Variants in HNMT observed in about 807,000 individuals in gnomAD.
HNMT encodes the protein histamine N-methyltransferase.
HNMT carries 30 observed loss-of-function variants against 32.1 expected under a neutral mutation model. That is an observed-to-expected ratio of 0.93 (90% confidence interval 0.70 to 1.27). HNMT has a LOEUF of 1.27. Ranked by LOEUF, HNMT falls within the 50% of genes most tolerant of loss-of-function variation. The pLI, the probability that HNMT is intolerant of heterozygous loss-of-function variation, is 0.00. For synonymous variants in HNMT, 125 were observed against 119.0 expected (o/e 1.05, Z -0.33); for missense variants, 327 against 346.0 (o/e 0.95, Z 0.43).
At chr2:137,987,601 C>CTTT (rs5834598) in intron 2 of HNMT, among the ~76,000 whole-genome samples, 13 of 70,280 alleles carry the variant, frequency 1.8e-4, no homozygotes, top group East Asian at 1.6e-3. Context: ...ACAATGGCCA[C>CTTT]TTTTTTTTTT....
chr2:138,014,013 AC>A lies in HNMT; in HGVS notation c.764del (p.Pro255HisfsTer31), dbSNP rs755442169. 6.2e-7 allele frequency: 1 copy of A among 1,613,806 alleles called. No individual in the cohort carries two copies. The highest frequency in any genetic ancestry group is 1.1e-5 in the South Asian group (1 of 91,072). On this transcript the variant is annotated frameshift_variant, in exon 6 of 6. Coordinates refer to ENST00000280097, the MANE Select transcript of HNMT (RefSeq NM_006895.3). LOFTEE classifies it high-confidence loss of function. ...TETCNFNATA[P>X]PDLRAELGKD... ...AAACCTGCAACTTTAATGCCACAGC[AC>A]CACCTGATCTCAGAGCAGAGCTTGG... is the stretch of plus-strand genomic sequence containing the variant.
chr2:137,989,177 A>G (rs1255038851), intron 2 of HNMT, among the ~76,000 whole-genome samples: 1 of 152,190 alleles, frequency 6.6e-6, no homozygotes, highest in East Asian at 1.9e-4. Context: ...ATCCACCATT[A>G]CAGTATTATA....
chr2:138,010,937 C>G (rs1681484299), intron 5 of HNMT, among the ~76,000 whole-genome samples: 1 of 151,962 alleles, frequency 6.6e-6, no homozygotes, highest in African/African-American at 2.4e-5. Context: ...AAGGAGATCA[C>G]TGAAGCTTTC....
intron 1 of HNMT, chr2:137,967,292 A>T (rs1679988284): frequency 7.1e-6 from 4 of 563,246 alleles, no homozygotes; most frequent in Non-Finnish European, 9.5e-6. Flanking sequence ...TGCACATGCT[A>T]CTCCAGACGC....
intron 1 of HNMT, among the ~76,000 whole-genome samples, chr2:137,967,806 T>C (rs1451324676): frequency 6.6e-6 from 1 of 152,260 alleles, no homozygotes; most frequent in Non-Finnish European, 1.5e-5. Context: ...AAGAATGTTT[T>C]CTATAGCATT....
At chr2:137,994,886 G>A (rs999697211) in intron 2 of HNMT, among the ~76,000 whole-genome samples, 1 of 152,130 alleles carries the variant, frequency 6.6e-6, no homozygotes, top group African/African-American at 2.4e-5. Context: ...ATAATTACAT[G>A]GAAATTGAAC....
At chr2:138,010,562 A>G (rs1053662352) in intron 5 of HNMT, among the ~76,000 whole-genome samples, 1 of 152,044 alleles carries the variant, frequency 6.6e-6, no homozygotes, top group African/African-American at 2.4e-5. Flanking sequence ...AAAGAAAAAG[A>G]AATTGAAATC....
rs933635712 is a variant in HNMT at position 138,016,097 on chromosome 2, G to C, written c.*1967G>C. 1 of 152,012 alleles carries C rather than the reference G, an allele frequency of 6.6e-6. No homozygotes were observed. Among genetic ancestry groups the C allele is most frequent in the Non-Finnish European group, 1.5e-5 (1 of 67,982 alleles). 9.4% of individuals were successfully genotyped at this position (152,012 alleles called of 1,614,324 possible). ...ACTGTATGATAATACCAAAATTTGG[G>C]ACAGTCACATACTAACTTTTCAGAT... On this transcript the variant is annotated 3_prime_UTR_variant, in exon 6 of 6. Transcript: ENST00000280097.
chr2:137,970,933 A>AAAAAAGAAAGAAAGAAAGAAAGAAAG (rs1424481237), intron 2 of HNMT, among the ~76,000 whole-genome samples: 8 of 86,682 alleles, frequency 9.2e-5, no homozygotes, highest in African/African-American at 2.7e-4. Flanking sequence ...AAAAAAAAAA[A>AAAAAAGAAAGAAAGAAAGAAAGAAAG]AAAGAAAGAA....
At chr2:138,003,070 T>A (rs1489578555) in intron 4 of HNMT, among the ~76,000 whole-genome samples, 1 of 104,748 alleles carries the variant, frequency 9.5e-6, no homozygotes, top group Non-Finnish European at 1.8e-5. Context: ...AACATCACAC[T>A]CTGGGGTCTG....
intron 5 of HNMT, among the ~76,000 whole-genome samples, chr2:138,009,157 T>C (rs757514608): frequency 1.2e-4 from 19 of 152,016 alleles, no homozygotes; most frequent in South Asian, 4.1e-4. Flanking sequence ...AAGCTCAACA[T>C]CACTGATCAT....
intron 5 of HNMT, among the ~76,000 whole-genome samples, chr2:138,010,072 G>GA (rs1233352792): frequency 6.6e-6 from 1 of 151,994 alleles, no homozygotes; most frequent in African/African-American, 2.4e-5. Flanking sequence ...TAAAAGGGAA[G>GA]ATGCTTCTGT....
intron 4 of HNMT, chr2:138,002,850 C>G (rs1681216791): frequency 1.2e-6 from 1 of 840,478 alleles, no homozygotes; most frequent in Non-Finnish European, 1.4e-6. Context: ...GACCAATGTC[C>G]CAGAGTGTTT....
intron 2 of HNMT, among the ~76,000 whole-genome samples, chr2:137,996,319 A>G (rs1344856064): frequency 1.3e-5 from 2 of 152,248 alleles, no homozygotes; most frequent in African/African-American, 4.8e-5. Context: ...CAACTTCAGC[A>G]AAGTCTTAGG....
intron 2 of HNMT, among the ~76,000 whole-genome samples, chr2:137,991,014 T>A (rs927082679): frequency 6.6e-6 from 1 of 152,208 alleles, no homozygotes; most frequent in Non-Finnish European, 1.5e-5. Flanking sequence ...AGTTGAGGTT[T>A]CCACAACCCC....
intron 2 of HNMT, chr2:137,981,695 G>A (rs942701457): frequency 6.3e-6 from 2 of 319,980 alleles, no homozygotes; most frequent in Non-Finnish European, 1.2e-5. Flanking sequence ...TATAATGCCT[G>A]TAATCTTTAC....
intron 2 of HNMT, among the ~76,000 whole-genome samples, chr2:137,989,283 T>C (rs1395462251): frequency 2.6e-5 from 4 of 152,186 alleles, no homozygotes; most frequent in Non-Finnish European, 4.4e-5. Context: ...ACTGTTTCCA[T>C]AATTTTGTCT....
chr2:138,001,777 G>A (rs1381599704), intron 3 of HNMT, among the ~76,000 whole-genome samples: 1 of 151,964 alleles, frequency 6.6e-6, no homozygotes, highest in African/African-American at 2.4e-5. Context: ...ACTTTCCATT[G>A]ATAAAATTCA....
chr2:138,003,842 C>T (rs1681255662), intron 4 of HNMT, among the ~76,000 whole-genome samples: 1 of 152,096 alleles, frequency 6.6e-6, no homozygotes, highest in Non-Finnish European at 1.5e-5. Context: ...ACTCCCTCTG[C>T]TTAACCCTGG....
Sources: gnomAD v4.1 joint callset for allele counts (sites outside exome capture counted in the v4.1 genomes callset) on GRCh38, gnomAD v4.1.1 for gene constraint, MANE v1.5 for transcripts, NCBI Gene and HGNC (gene_info 2026-07-23, HGNC 2026-07-21) for gene names.